CATSPERT: variants seen among roughly 807,000 people sequenced by gnomAD.
CATSPERT encodes the protein cation channel sperm-associated targeting subunit tau.
At chr2:201,601,807 A>G in the CATSPERT span, 1 of 1,612,192 alleles carries the variant, frequency 6.2e-7, no homozygotes. Context: ...TTGGATAGCA[A>G]GCTACACATT....
chr2:201,595,405 G>T, the CATSPERT span, among the ~76,000 whole-genome samples: 12 of 151,882 alleles, frequency 7.9e-5, no homozygotes, highest in Non-Finnish European at 1.8e-4. Context: ...AGCCAGGATG[G>T]TCTCGATCTC....
chr2:201,584,150 C>G, the CATSPERT span, among the ~76,000 whole-genome samples: 6 of 151,988 alleles, frequency 3.9e-5, no homozygotes, highest in Admixed American at 3.3e-4. Flanking sequence ...AGTAGCCAAG[C>G]ATGGTAGTGC....
the CATSPERT span, chr2:201,618,756 A>G: frequency 2.2e-6 from 1 of 456,644 alleles, no homozygotes; most frequent in Admixed American, 3.9e-5. Flanking sequence ...ATAAACGAAA[A>G]AAAAAAGGAT....
chr2:201,551,457 T>C, the CATSPERT span, among the ~76,000 whole-genome samples: 3 of 152,228 alleles, frequency 2.0e-5, no homozygotes, highest in African/African-American at 4.8e-5. Context: ...ATAGAGATTA[T>C]ACATGGTGCC....
the CATSPERT span, chr2:201,604,682 G>A: frequency 6.2e-7 from 1 of 1,600,406 alleles, no homozygotes; most frequent in East Asian, 2.3e-5. Flanking sequence ...GACTCTTTAA[G>A]AGTTTTTCTC....
At chr2:201,509,874 T>G in the CATSPERT span, among the ~76,000 whole-genome samples, 1 of 150,936 alleles carries the variant, frequency 6.6e-6, no homozygotes, top group East Asian at 1.9e-4. Flanking sequence ...CTCCTTCCAT[T>G]CCTTACTCCC....
the CATSPERT span, among the ~76,000 whole-genome samples, chr2:201,577,055 G>A: frequency 6.6e-6 from 1 of 152,034 alleles, no homozygotes; most frequent in Admixed American, 6.6e-5. Context: ...TCCATACTTG[G>A]CCTATGTGAC....
chr2:201,583,771 C>T, the CATSPERT span, among the ~76,000 whole-genome samples: 102 of 151,974 alleles, frequency 6.7e-4, no homozygotes, highest in Non-Finnish European at 1.4e-3. Flanking sequence ...GGAAACAAAG[C>T]GCCACAAATG....
chr2:201,528,048 T>A, the CATSPERT span, among the ~76,000 whole-genome samples: 2 of 138,142 alleles, frequency 1.4e-5, no homozygotes, highest in African/African-American at 2.6e-5. Context: ...ATAAGGAACT[T>A]GAATCAACAA....
chr2:201,591,370 C>T, the CATSPERT span, among the ~76,000 whole-genome samples: 1 of 152,212 alleles, frequency 6.6e-6, no homozygotes, highest in African/African-American at 2.4e-5. Flanking sequence ...CAGTACCATG[C>T]TGTTTTGGTT....
the CATSPERT span, among the ~76,000 whole-genome samples, chr2:201,618,629 A>G: frequency 6.6e-6 from 1 of 152,010 alleles, no homozygotes; most frequent in Non-Finnish European, 1.5e-5. Flanking sequence ...TAATGGGTGC[A>G]GCACACCAAC....
At chr2:201,556,703 T>A in the CATSPERT span, among the ~76,000 whole-genome samples, 3 of 151,926 alleles carry the variant, frequency 2.0e-5, no homozygotes, top group Non-Finnish European at 2.9e-5. Flanking sequence ...GGTGCACACC[T>A]GTAATTCCAG....
At chr2:201,515,226 T>C in the CATSPERT span, among the ~76,000 whole-genome samples, 1 of 67,994 alleles carries the variant, frequency 1.5e-5, no homozygotes, top group Non-Finnish European at 2.5e-5. Flanking sequence ...TTTTTTTTTT[T>C]TTTTTTTTTT....
chr2:201,544,326 C>T, the CATSPERT span, among the ~76,000 whole-genome samples: 1 of 152,154 alleles, frequency 6.6e-6, no homozygotes, highest in Non-Finnish European at 1.5e-5. Context: ...CATACGTGTG[C>T]ATGTGTCTTT....
the CATSPERT span, chr2:201,494,606 C>T: frequency 2.6e-6 from 4 of 1,537,220 alleles, no homozygotes; most frequent in South Asian, 4.8e-5. Flanking sequence ...TTTGATTGTG[C>T]TGGATAAGGA....
At chr2:201,519,005 A>C in the CATSPERT span, among the ~76,000 whole-genome samples, 1 of 152,212 alleles carries the variant, frequency 6.6e-6, no homozygotes, top group Non-Finnish European at 1.5e-5. Context: ...CATATAACAC[A>C]ATAACTCCTC....
At chr2:201,531,155 T>C in the CATSPERT span, among the ~76,000 whole-genome samples, 1 of 151,894 alleles carries the variant, frequency 6.6e-6, no homozygotes, top group Non-Finnish European at 1.5e-5. Flanking sequence ...GAGACAGGGT[T>C]TCACCGTGTT....
the CATSPERT span, chr2:201,494,768 T>A: frequency 2.7e-6 from 4 of 1,485,086 alleles, no homozygotes; most frequent in Admixed American, 5.0e-5. Flanking sequence ...AACTGCAATA[T>A]TAAAAAAAAG....
At chr2:201,611,449 T>C in the CATSPERT span, among the ~76,000 whole-genome samples, 7 of 152,180 alleles carry the variant, frequency 4.6e-5, no homozygotes, top group East Asian at 7.7e-4. Flanking sequence ...CTCAAACTTA[T>C]GGGATGCTGC....
Sources: gnomAD v4.1 joint callset for allele counts (sites outside exome capture counted in the v4.1 genomes callset) on GRCh38, gnomAD v4.1.1 for gene constraint, MANE v1.5 for transcripts, NCBI Gene and HGNC (gene_info 2026-07-23, HGNC 2026-07-21) for gene names.